ECHDC3: variants seen among roughly 807,000 people sequenced by gnomAD.
The protein encoded by ECHDC3 is enoyl-CoA hydratase domain-containing protein 3, mitochondrial.
Under a neutral mutation model 17.9 loss-of-function variants are expected in ECHDC3, and 20 were observed. The ratio of observed to expected loss-of-function variants is 1.12; its 90% CI spans 0.79 to 1.63. The LOEUF (loss-of-function observed/expected upper bound fraction) is 1.63. Among genes scored for constraint, ECHDC3 ranks in the 40% most tolerant of loss-of-function variants. The pLI, the probability that ECHDC3 is intolerant of heterozygous loss-of-function variation, is 0.00. For synonymous variants in ECHDC3, 177 were observed against 149.7 expected, an observed-to-expected ratio of 1.18 and a Z score of -1.33; for missense variants, 407 against 357.7, an observed-to-expected ratio of 1.14 and a Z score of -1.11.
At chr10:11,744,155 C>A (rs1260437786) in intron 1 of ECHDC3, among the ~76,000 whole-genome samples, 2 of 152,130 alleles carry the variant, frequency 1.3e-5, no homozygotes, top group African/African-American at 2.4e-5. Flanking sequence ...TTAACAGTGG[C>A]CTGCAAAGTG....
At chr10:11,743,517 C>T (rs1191831381) in intron 1 of ECHDC3, among the ~76,000 whole-genome samples, 2 of 152,260 alleles carry the variant, frequency 1.3e-5, no homozygotes, top group Non-Finnish European at 2.9e-5. Flanking sequence ...TCCTTTCCTA[C>T]CTTTGCACCC....
intron 1 of ECHDC3, 121 bp from the exon 2 acceptor site, chr10:11,747,228 A>G (rs1564282041): frequency 7.6e-7 from 1 of 1,311,538 alleles, no homozygotes. Flanking sequence ...ATTGGCACTA[A>G]GCCCCAGCAG....
At chr10:11,754,394 T>C (rs1832862471) in intron 3 of ECHDC3, among the ~76,000 whole-genome samples, 1 of 152,140 alleles carries the variant, frequency 6.6e-6, no homozygotes, top group Non-Finnish European at 1.5e-5. Flanking sequence ...AAACATAAGC[T>C]GCAAAAATAA....
At chr10:11,759,562 C>T (rs904386949) in intron 4 of ECHDC3, among the ~76,000 whole-genome samples, 1 of 152,122 alleles carries the variant, frequency 6.6e-6, no homozygotes, top group Non-Finnish European at 1.5e-5. Flanking sequence ...TATAAGCCAC[C>T]AGGCTGTGGT....
At chr10:11,759,371 C>A (rs11257308) in intron 4 of ECHDC3, among the ~76,000 whole-genome samples, 40,391 of 72,364 alleles carry the variant, frequency 0.56, 6,664 homozygotes, top group Middle Eastern at 0.59. Context: ...AAAAAAAAAA[C>A]AAAAAAAAAA....
At chr10:11,751,166 G>A (rs1055021519) in intron 3 of ECHDC3, among the ~76,000 whole-genome samples, 1 of 152,194 alleles carries the variant, frequency 6.6e-6, no homozygotes, top group African/African-American at 2.4e-5. Context: ...AAGAGAACCA[G>A]TAAAGCCCTT....
Position 11,742,650 on chromosome 10 carries a change from A to G in ECHDC3, c.74A>G (p.Gln25Arg). The G allele has an allele frequency of 2.4e-6, 3 of 1,254,902 alleles. No individual in the cohort carries two copies. Among genetic ancestry groups the G allele is most frequent in the Non-Finnish European group, 2.0e-6 (2 of 1,001,934 alleles). 77.7% of individuals were successfully genotyped at this position (1,254,902 alleles called of 1,614,324 possible). Residue 25 changes from glutamine (Q) to arginine (R), a missense_variant, in exon 1 of 5, where the codon CAG (glutamine) becomes CGG (arginine). By Grantham distance (43) the Gln-to-Arg change is conservative. Transcript: ENST00000379215. ...PMCLRRGPWA[Q>R]LPARFCSRDP... The stretch of plus-strand genomic sequence containing the variant: ...TGTCTCCGGCGCGGCCCCTGGGCCC[A>G]GCTCCCCGCCCGCTTCTGCAGCCGG...
intron 4 of ECHDC3, among the ~76,000 whole-genome samples, chr10:11,760,815 A>G (rs769573137): frequency 2.0e-5 from 3 of 152,224 alleles, no homozygotes; most frequent in Non-Finnish European, 4.4e-5. Flanking sequence ...TGTCTTCAGC[A>G]GGGTCCTATT....
Position 11,749,514 on chromosome 10 carries a change from T to C in ECHDC3, c.312T>C (p.Ser104=). The C allele has an allele frequency of 6.2e-7, 1 of 1,614,170 alleles. No homozygotes were observed. Among genetic ancestry groups the C allele is most frequent in the Non-Finnish European group, 8.5e-7 (1 of 1,180,034 alleles). The part of the protein sequence containing the change: ...IIISAEGPVF[S]SGHDLKELTE... ...TTGCAGCTGAGGGGCCTGTGTTTTC[T>C]TCTGGGCATGACTTAAAGGAGCTGA... is the stretch of plus-strand genomic sequence containing the variant. The change falls in exon 3 of 5, where the codon TCT becomes TCC. Residue 104 remains serine, a synonymous_variant. Coordinates refer to ENST00000379215, the MANE Select transcript of ECHDC3 (RefSeq NM_024693.5).
At chr10:11,742,767 G>A in intron 1 of ECHDC3, 21 bp downstream of exon 1, 1 of 1,225,064 alleles carries the variant, frequency 8.2e-7, no homozygotes, top group Non-Finnish European at 1.0e-6. Flanking sequence ...GGCCGCGCGG[G>A]CTCCTCGCGT....
intron 4 of ECHDC3, among the ~76,000 whole-genome samples, chr10:11,760,361 T>A (rs936301820): frequency 3.3e-5 from 5 of 152,212 alleles, no homozygotes; most frequent in Non-Finnish European, 7.3e-5. Flanking sequence ...GCATTTGGAA[T>A]TCCGTGCAGT....
At chr10:11,752,865 G>A (rs1832841781) in intron 3 of ECHDC3, among the ~76,000 whole-genome samples, 1 of 152,176 alleles carries the variant, frequency 6.6e-6, no homozygotes, top group Non-Finnish European at 1.5e-5. Flanking sequence ...GCTCCAGACT[G>A]CCATGCTGGT....
chr10:11,742,689 C>T lies in ECHDC3; in HGVS notation c.113C>T (p.Ala38Val). Residue 38 changes from alanine to valine, a missense_variant, in exon 1 of 5, where the codon GCG (alanine) becomes GTG (valine). By Grantham distance (64) the Ala-to-Val change is moderately conservative (BLOSUM62 0). Coordinates refer to ENST00000379215, the MANE Select transcript of ECHDC3 (RefSeq NM_024693.5). ...ARFCSRDPAG[A>V]GRRESEPRPT... ...TTCTGCAGCCGGGACCCGGCCGGGG[C>T]GGGGCGGCGGGAGTCGGAGCCGCGG... 6 of 1,242,986 alleles carry T rather than the reference C, an allele frequency of 4.8e-6. No homozygotes were observed. Among genetic ancestry groups the T allele is most frequent in the South Asian group, 3.4e-5 (1 of 29,254 alleles). The allele number at this position is 1,242,986 out of a possible 1,614,324, so 77.0% of individuals were successfully genotyped here. A position where few individuals can be genotyped will look rare whatever the true frequency, so the allele number is the denominator to read the frequency against.
chr10:11,749,384 T>C, intron 2 of ECHDC3, 111 bp from the exon 3 acceptor site: 2 of 936,808 alleles, frequency 2.1e-6, no homozygotes, highest in Non-Finnish European at 3.2e-6. Flanking sequence ...ATTAACTTGC[T>C]CTAAGTGAAA....
chr10:11,756,921 G>C (rs1016569097), intron 4 of ECHDC3, among the ~76,000 whole-genome samples: 2 of 152,184 alleles, frequency 1.3e-5, no homozygotes. Context: ...TTTTCGTAGA[G>C]ATGGGGTTTC....
At chr10:11,745,129 A>G (rs1447531698) in intron 1 of ECHDC3, among the ~76,000 whole-genome samples, 1 of 152,040 alleles carries the variant, frequency 6.6e-6, no homozygotes, top group Non-Finnish European at 1.5e-5. Context: ...AAATTAGGAG[A>G]TGGTTGGTGA....
At chr10:11,756,978 G>A (rs190383311) in intron 4 of ECHDC3, among the ~76,000 whole-genome samples, 31 of 152,266 alleles carry the variant, frequency 2.0e-4, no homozygotes, top group Admixed American at 1.3e-3. Flanking sequence ...CAAGTAGTCC[G>A]TCCCCCTCGG....
At chr10:11,755,690 C>G (rs1310418766) in intron 4 of ECHDC3, 82 bp downstream of exon 4, 1 of 1,333,110 alleles carries the variant, frequency 7.5e-7, no homozygotes. Flanking sequence ...ATTCAAGATC[C>G]GCTTGTTAAA....
At position 11,745,249 on chromosome 10, in the gene ECHDC3, C is replaced by T. The variant is rs570775835; in HGVS notation, c.171-2100C>T. ...TGGGAGCCAAACAGCTAACAGGACA[C>T]ATGAACAGATTCCGCGGCGCACAAT... is the stretch of plus-strand genomic sequence containing the variant. On this transcript the variant is annotated intron_variant, in intron 1 of 4. Transcript: ENST00000379215. Among the ~76,000 whole-genome samples the T allele has an allele frequency of 2.0e-5, 3 of 152,312 alleles. No homozygotes were observed. The South Asian group carries it at 6.2e-4, about 32-fold the overall frequency.
Sources: gnomAD v4.1 joint callset for allele counts (sites outside exome capture counted in the v4.1 genomes callset) on GRCh38, gnomAD v4.1.1 for gene constraint, MANE v1.5 for transcripts, NCBI Gene and HGNC (gene_info 2026-07-23, HGNC 2026-07-21) for gene names.